The following GABRA5 variants were observed in gnomAD, a reference collection of about 807,000 sequenced individuals.
GABRA5 encodes gamma-aminobutyric acid type A receptor subunit alpha5.
GABRA5 carries 18 observed loss-of-function variants against 47.3 expected under a neutral mutation model. The ratio of observed to expected loss-of-function variants is 0.38; its 90% CI spans 0.26 to 0.56. The LOEUF (loss-of-function observed/expected upper bound fraction) is 0.56, where lower values mean the gene tolerates loss of function less well. Among genes scored for constraint, GABRA5 ranks in the 20% least tolerant of loss-of-function variants. The pLI, the probability that GABRA5 is intolerant of heterozygous loss-of-function variation, is 0.71. For synonymous variants in GABRA5, 237 were observed against 229.3 expected (o/e 1.03, Z -0.30); for missense variants, 365 against 599.3 (o/e 0.61, Z 4.08).
Position 26,931,378 on chromosome 15 carries a change from C to T in GABRA5, c.581-5807C>T, listed in dbSNP as rs557793066. ...CCTGGTTCACAGACGGCCATGTTCT[C>T]ATTGTGCCCTCACATGGTGGTAGGA... On this transcript the variant is annotated intron_variant, in intron 7 of 10. Transcript: ENST00000335625. Among the ~76,000 whole-genome samples, 4 of 152,272 alleles carry T rather than the reference C, an allele frequency of 2.6e-5. No individual in the cohort carries two copies. The South Asian group carries it at 8.3e-4, about 32-fold the overall frequency.
chr15:26,894,843 T>C (rs1893140800), intron 6 of GABRA5, among the ~76,000 whole-genome samples: 1 of 152,174 alleles, frequency 6.6e-6, no homozygotes, highest in Non-Finnish European at 1.5e-5. Context: ...GTTTTTGTCT[T>C]CCAGTCTCCG....
chr15:26,930,170 G>A (rs150636132), intron 7 of GABRA5, among the ~76,000 whole-genome samples: 3 of 151,890 alleles, frequency 2.0e-5, no homozygotes, highest in South Asian at 4.2e-4. Context: ...CCGCCACTAC[G>A]CCTGGCTAAT....
intron 10 of GABRA5, among the ~76,000 whole-genome samples, chr15:26,944,954 G>A (rs1195883363): frequency 6.6e-6 from 1 of 152,186 alleles, no homozygotes; most frequent in Non-Finnish European, 1.5e-5. Context: ...CTTGTTGGGT[G>A]TCGCCGACAC....
rs201843662 is a variant in GABRA5 at position 26,937,364 on chromosome 15, C to T, written c.724+36C>T. 1.2e-5 allele frequency: 19 copies of T among 1,565,892 alleles called. No homozygotes were observed. In the East Asian group the frequency reaches 2.7e-4, roughly 22 times the overall value. On this transcript the variant is annotated intron_variant, in intron 8 of 10. Coordinates refer to ENST00000335625, the MANE Select transcript of GABRA5 (RefSeq NM_000810.4). ...GGCACGCGCTGTGCTGCCAGGCGCA[C>T]TCAGGACACCACACCCTTGGAGAGC...
At chr15:26,915,826 G>A (rs1893705183) in intron 7 of GABRA5, among the ~76,000 whole-genome samples, 1 of 152,062 alleles carries the variant, frequency 6.6e-6, no homozygotes, top group Non-Finnish European at 1.5e-5. Context: ...AGTAACTGTG[G>A]GCAAGTTAAT....
chr15:26,915,939 C>CCAT (rs1893707455), intron 7 of GABRA5, among the ~76,000 whole-genome samples: 1 of 152,058 alleles, frequency 6.6e-6, no homozygotes, highest in African/African-American at 2.4e-5. Context: ...CAATAAATGC[C>CCAT]CATCATCATC....
intron 10 of GABRA5, among the ~76,000 whole-genome samples, chr15:26,945,192 GC>G (rs959977575): frequency 6.6e-6 from 1 of 152,226 alleles, no homozygotes; most frequent in African/African-American, 2.4e-5. Flanking sequence ...CACCCCTGCT[GC>G]CAGGAAGGCT....
chr15:26,883,307 C>CT lies in GABRA5; in HGVS notation c.277-29dup. On this transcript the variant is annotated intron_variant, in intron 5 of 10. Coordinates refer to ENST00000335625, the MANE Select transcript of GABRA5 (RefSeq NM_000810.4). This position sits in a 1 kb window ranked among gnomAD's most constrained non-coding sequence, Gnocchi z 4.8. ...GGCCCCCGCCCAGGCCCCGTGCCCT[C>CT]TGACTGCCTCGTGCCTTCCTTTCCA... 6.2e-7 allele frequency: 1 copy of CT among 1,612,938 alleles called. No homozygotes were observed. Among genetic ancestry groups the CT allele is most frequent in the African/African-American group, 1.3e-5 (1 of 75,032 alleles).
intron 7 of GABRA5, among the ~76,000 whole-genome samples, chr15:26,923,504 T>G (rs1402047044): frequency 8.7e-6 from 1 of 115,546 alleles, no homozygotes; most frequent in Non-Finnish European, 1.8e-5. Context: ...TCTTGTTACC[T>G]TAAAGACTTT....
intron 7 of GABRA5, among the ~76,000 whole-genome samples, chr15:26,935,850 C>T (rs945245770): frequency 6.6e-5 from 10 of 152,170 alleles, no homozygotes; most frequent in Admixed American, 2.0e-4. Context: ...AGCTCCTCAT[C>T]GGCTGATGAG....
intron 9 of GABRA5, among the ~76,000 whole-genome samples, chr15:26,942,381 C>T (rs1003944917): frequency 6.6e-6 from 1 of 152,208 alleles, no homozygotes; most frequent in African/African-American, 2.4e-5. Flanking sequence ...CCAGGGGATA[C>T]TGTTCCCTCT....
chr15:26,928,798 T>C (rs1894022004), intron 7 of GABRA5, among the ~76,000 whole-genome samples: 1 of 152,200 alleles, frequency 6.6e-6, no homozygotes, highest in Admixed American at 6.5e-5. Context: ...TGGAAAGTTT[T>C]GGATCAAGTT....
At chr15:26,881,957 C>G (rs1474400473) in intron 4 of GABRA5, among the ~76,000 whole-genome samples, 2 of 152,226 alleles carry the variant, frequency 1.3e-5, no homozygotes. Flanking sequence ...ACCTCGGCCT[C>G]CCAAAGTGCT....
intron 6 of GABRA5, among the ~76,000 whole-genome samples, chr15:26,908,542 T>C (rs1163851420): frequency 6.6e-6 from 1 of 152,234 alleles, no homozygotes; most frequent in Non-Finnish European, 1.5e-5. Flanking sequence ...CTCTGGTGCA[T>C]AGAAAGTTTT....
chr15:26,937,433 G>C (rs1370790131), intron 8 of GABRA5, 105 bp downstream of exon 8: 7 of 1,207,332 alleles, frequency 5.8e-6, no homozygotes, highest in Non-Finnish European at 7.9e-6. Context: ...GTGGGAGGCC[G>C]CACAGCAGCC....
chr15:26,895,705 C>T (rs1274391268), intron 6 of GABRA5, among the ~76,000 whole-genome samples: 1 of 151,002 alleles, frequency 6.6e-6, no homozygotes, highest in Admixed American at 6.6e-5. Flanking sequence ...CCCAGCTACT[C>T]GGGAGGCGGA....
intron 6 of GABRA5, among the ~76,000 whole-genome samples, chr15:26,900,029 T>C (rs1031726636): frequency 6.6e-6 from 1 of 152,116 alleles, no homozygotes; most frequent in African/African-American, 2.4e-5. Flanking sequence ...AATTTTCATG[T>C]AATTTCTTTT....
intron 3 of GABRA5, among the ~76,000 whole-genome samples, chr15:26,874,237 C>T (rs1460163515): frequency 6.6e-6 from 1 of 152,044 alleles, no homozygotes; most frequent in Non-Finnish European, 1.5e-5. Flanking sequence ...TCTGCTGGTA[C>T]TTCAGCATGT....
intron 10 of GABRA5, among the ~76,000 whole-genome samples, chr15:26,944,081 A>G (rs1894453362): frequency 6.6e-6 from 1 of 152,216 alleles, no homozygotes; most frequent in South Asian, 2.1e-4. Flanking sequence ...AAACACACAA[A>G]TCTCTGTATG....
Sources: allele counts gnomAD v4.1 joint callset (sites outside exome capture counted in the v4.1 genomes callset), GRCh38; gene constraint gnomAD v4.1.1; non-coding constraint Gnocchi (gnomAD v3.1); transcripts MANE v1.5; gene names NCBI Gene and HGNC (gene_info 2026-07-23, HGNC 2026-07-21).